KMT2C: variants seen among roughly 807,000 people sequenced by gnomAD.
KMT2C encodes lysine methyltransferase 2C, also known as histone-lysine N-methyltransferase 2C.
Under a neutral mutation model 507.9 loss-of-function variants are expected in KMT2C, and 88 were observed. The ratio of observed to expected loss-of-function variants is 0.17; its 90% confidence interval spans 0.15 to 0.21. The LOEUF (loss-of-function observed/expected upper bound fraction) is 0.21. Ranked by LOEUF, KMT2C falls within the 10% of genes least tolerant of loss-of-function variation. The pLI is 1.00. For missense variants in KMT2C, 4,954 were observed against 5,957.8 expected (o/e 0.83, Z 5.55); for synonymous variants, 2,049 against 2,080.8 (o/e 0.98, Z 0.42).
At chr7:152,136,988 C>T in intron 58 of KMT2C, 64 bp from the exon 59 acceptor site, 1 of 1,212,898 alleles carries the variant, frequency 8.2e-7, no homozygotes, top group East Asian at 2.3e-5. Context: ...TTTCTGCCTC[C>T]ATCTCCCTTG....
chr7:152,247,870 C>G, intron 14 of KMT2C, 32 bp downstream of exon 14: 1 of 1,531,522 alleles, frequency 6.5e-7, no homozygotes, highest in Non-Finnish European at 9.0e-7. Flanking sequence ...GTTCCAATAT[C>G]TTTTCTGTCA....
rs1018453576 is a variant in KMT2C at position 152,230,255 on chromosome 7, A to C, written c.2836T>G (p.Leu946Val). The change falls in exon 17 of 59, where the codon TTG (leucine) becomes GTG (valine). Residue 946 changes from leucine (L) to valine (V), a missense_variant. Transcript: ENST00000262189. ...GTGAACTTGTCACTGCTAGAAAACA[A>C]CACAACTGTATTGTGCATAGAGTTT... is the stretch of plus-strand genomic sequence containing the variant. ...EENSMHNTVV[L>V]FSSSDKFTLN... is the part of the protein sequence containing the mutation. The C allele has an allele frequency of 6.2e-7, 1 of 1,604,766 alleles. No individual in the cohort carries two copies.
At chr7:152,277,541 T>C (rs2096106475) in intron 6 of KMT2C, among the ~76,000 whole-genome samples, 1 of 152,216 alleles carries the variant, frequency 6.6e-6, no homozygotes, top group Admixed American at 6.5e-5. Context: ...TCATTATCAC[T>C]GTTCCACTTA....
chr7:152,374,571 G>A (rs960794973), intron 1 of KMT2C, among the ~76,000 whole-genome samples: 4 of 152,062 alleles, frequency 2.6e-5, no homozygotes, highest in Admixed American at 2.6e-4. Context: ...CTGCTAGTCA[G>A]GTTATGGGAA....
chr7:152,181,665 C>T lies in KMT2C; in HGVS notation c.6195G>A (p.Arg2065=). Residue 2065 remains arginine, a synonymous_variant, in exon 36 of 59, where the codon AGG becomes AGA. Transcript: ENST00000262189. ...TTTCATAAGGGTCAACAGACAATCGCCTTGATGCCTGTGACACTGATCCAT... is the reference window on the plus strand; with the variant it reads ...TTTCATAAGGGTCAACAGACAATCGTCTTGATGCCTGTGACACTGATCCAT... ...DPYGSVSQAS[R]RLSVDPYERP... 2 of 1,613,952 alleles carry T rather than the reference C, an allele frequency of 1.2e-6. No individual in the cohort carries two copies. Among genetic ancestry groups the T allele is most frequent in the Non-Finnish European group, 8.5e-7 (1 of 1,179,938 alleles).
chr7:152,154,177 T>C (rs975397919), intron 47 of KMT2C, 31 bp from the exon 48 acceptor site: 4 of 1,612,048 alleles, frequency 2.5e-6, no homozygotes, highest in African/African-American at 1.3e-5. Flanking sequence ...AAGAGGAAAA[T>C]AGTGTTAATG....
Position 152,212,841 on chromosome 7 carries a change from G to A in KMT2C, c.3713-5413C>T, listed in dbSNP as rs184244933. Among the ~76,000 whole-genome samples the A allele has an allele frequency of 6.1e-3, 925 of 152,348 alleles. 13 individuals carry two copies. The highest frequency in any genetic ancestry group is 0.021 in the African/African-American group (871 of 41,580). On this transcript the variant is annotated intron_variant, in intron 23 of 58. Transcript: ENST00000262189. ...AGATCACCTGAAGTCAGGAGTTCAA[G>A]ACCAGCCTGGCCAACATGGCGAAAC... is the stretch of plus-strand genomic sequence containing the variant.
At chr7:152,265,532 T>C (rs1379448703) in intron 7 of KMT2C, among the ~76,000 whole-genome samples, 1 of 152,170 alleles carries the variant, frequency 6.6e-6, no homozygotes, top group Non-Finnish European at 1.5e-5. Context: ...GCTCAATATA[T>C]GCTTACTGGA....
At chr7:152,425,256 C>T (rs2097804696) in intron 1 of KMT2C, among the ~76,000 whole-genome samples, 1 of 152,074 alleles carries the variant, frequency 6.6e-6, no homozygotes, top group African/African-American at 2.4e-5. Flanking sequence ...TATTCTACAA[C>T]TCTATAAGTA....
chr7:152,395,953 C>G (rs192320149), intron 1 of KMT2C, among the ~76,000 whole-genome samples: 6 of 152,316 alleles, frequency 3.9e-5, no homozygotes, highest in Admixed American at 2.6e-4. Flanking sequence ...GTGCTGGCCA[C>G]TTTTACATGT....
intron 1 of KMT2C, among the ~76,000 whole-genome samples, chr7:152,393,657 T>G (rs2097518066): frequency 6.6e-6 from 1 of 152,128 alleles, no homozygotes; most frequent in African/African-American, 2.4e-5. Context: ...CTCATGCCTG[T>G]AATCCCAACA....
chr7:152,249,040 G>T (rs972144036), intron 13 of KMT2C, among the ~76,000 whole-genome samples: 1 of 152,114 alleles, frequency 6.6e-6, no homozygotes, highest in African/African-American at 2.4e-5. Context: ...AGACAGAAAA[G>T]ATTTACTAAC....
Position 152,149,053 on chromosome 7 carries a change from G to A in KMT2C, c.12874C>T (p.Leu4292Phe), listed in dbSNP as rs940549990. 1 of 1,530,696 alleles carries A rather than the reference G, an allele frequency of 6.5e-7. No individual in the cohort carries two copies. The highest frequency in any genetic ancestry group is 8.7e-7 in the Non-Finnish European group (1 of 1,143,668). 94.8% of individuals were successfully genotyped at this position (1,530,696 alleles called of 1,614,324 possible). The change falls in exon 52 of 59, where the codon CTC becomes TTC. Residue 4292 changes from leucine (L) to phenylalanine (F), a missense_variant. Around this residue, in one of 29 missense-constraint regions of KMT2C, gnomAD observed 417 missense variants for 461.1 expected, o/e 0.90. Transcript: ENST00000262189. ...NNISTLDVHCLPQLPEKASPP... is the reference protein window; with the variant it reads ...NNISTLDVHCFPQLPEKASPP... ...GAAGCTTTCTCTGGGAGCTGGGGGA[G>A]ACAGTGCACATCCAAAGTGGAGATG...
chr7:152,431,011 G>A (rs781695583), intron 1 of KMT2C, among the ~76,000 whole-genome samples: 2 of 152,174 alleles, frequency 1.3e-5, no homozygotes, highest in African/African-American at 4.8e-5. Context: ...CGGAACAGAG[G>A]AATGAGATGA....
intron 5 of KMT2C, among the ~76,000 whole-genome samples, chr7:152,310,332 T>C (rs1457690633): frequency 6.6e-6 from 1 of 152,160 alleles, no homozygotes; most frequent in Admixed American, 6.5e-5. Flanking sequence ...TCTCAGCACT[T>C]TGGGAGGCCA....
At chr7:152,303,671 C>T (rs62495467) in intron 6 of KMT2C, among the ~76,000 whole-genome samples, 93,580 of 152,120 alleles carry the variant, frequency 0.62, 30,900 homozygotes, top group African/African-American at 0.87. Flanking sequence ...CAAACAAACG[C>T]TGCAGATGTT....
At chr7:152,309,388 A>G (rs920808386) in intron 6 of KMT2C, among the ~76,000 whole-genome samples, 1 of 149,972 alleles carries the variant, frequency 6.7e-6, no homozygotes, top group Admixed American at 6.7e-5. Context: ...CAGTGGTGCA[A>G]TCATGGCTCA....
intron 2 of KMT2C, among the ~76,000 whole-genome samples, chr7:152,345,928 A>G (rs1265571966): frequency 6.6e-6 from 1 of 152,234 alleles, no homozygotes; most frequent in Non-Finnish European, 1.5e-5. Context: ...ATGGATGGAG[A>G]AAGATATTCC....
intron 3 of KMT2C, among the ~76,000 whole-genome samples, chr7:152,323,641 A>G (rs2096791927): frequency 2.8e-5 from 4 of 145,324 alleles, no homozygotes; most frequent in Non-Finnish European, 6.1e-5. Flanking sequence ...CCTTTCAAAG[A>G]AAAAAAAAAA....
Sources: allele counts gnomAD v4.1 joint callset (sites outside exome capture counted in the v4.1 genomes callset), GRCh38; gene constraint gnomAD v4.1.1; regional missense constraint gnomAD v4.1.1; transcripts MANE v1.5; gene names NCBI Gene and HGNC (gene_info 2026-07-23, HGNC 2026-07-21).